The following AIF1L variants were observed in gnomAD, a reference collection of about 807,000 sequenced individuals.
The protein encoded by AIF1L is allograft inflammatory factor 1 like, also known as allograft inflammatory factor 1-like.
AIF1L carries 12 observed loss-of-function variants against 20.7 expected under a neutral mutation model. The observed-to-expected ratio is 0.58, with a 90% CI of 0.37 to 0.94. The LOEUF (loss-of-function observed/expected upper bound fraction) is 0.94, where lower values mean the gene tolerates loss of function less well. Among genes scored for constraint, AIF1L ranks in the 40% least tolerant of loss-of-function variants. The pLI is 0.01. For missense variants in AIF1L, 173 were observed against 185.3 expected (o/e 0.93, Z 0.39); for synonymous variants, 76 against 65.1 (o/e 1.17, Z -0.81).
At chr9:131,118,751 T>G (rs1831069641) in intron 5 of AIF1L, among the ~76,000 whole-genome samples, 1 of 152,034 alleles carries the variant, frequency 6.6e-6, no homozygotes, top group Non-Finnish European at 1.5e-5. Flanking sequence ...TTCGCCATGT[T>G]GGCCAGGTTG....
intron 2 of AIF1L, among the ~76,000 whole-genome samples, chr9:131,102,601 G>A (rs546682466): frequency 2.5e-4 from 38 of 152,234 alleles, no homozygotes; most frequent in Non-Finnish European, 4.1e-4. Flanking sequence ...TGCAGGGTGT[G>A]CTTTATTGCA....
intron 2 of AIF1L, among the ~76,000 whole-genome samples, chr9:131,100,650 C>T (rs1327158244): frequency 1.3e-5 from 2 of 152,248 alleles, no homozygotes; most frequent in Non-Finnish European, 2.9e-5. Flanking sequence ...TGGCCAGCAC[C>T]TCCTACTCCC....
intron 2 of AIF1L, among the ~76,000 whole-genome samples, chr9:131,103,812 T>G (rs1830686920): frequency 6.6e-6 from 1 of 152,200 alleles, no homozygotes; most frequent in Admixed American, 6.5e-5. Flanking sequence ...AGAGCTAGTA[T>G]GTGCTAAAGC....
Position 131,096,636 on chromosome 9 carries a change from G to A in AIF1L, c.7G>A (p.Gly3Ser). The change falls in exon 1 of 6, where the codon GGC (glycine) becomes AGC (serine). Residue 3 changes from glycine to serine, a missense_variant. By Grantham distance (56) the Gly-to-Ser change is moderately conservative (BLOSUM62 0). Transcript: ENST00000247291. Reference protein sequence around the residue: MSGELSNRFQGGK... With the variant: MSSELSNRFQGGK... ...CGGGAGCCCCGCGCTCGCCATGTCG[G>A]GCGAGCTCAGCAACAGGTTCCAAGG... 2.0e-6 allele frequency: 3 copies of A among 1,484,798 alleles called. No homozygotes were observed. Among genetic ancestry groups the A allele is most frequent in the Non-Finnish European group, 2.7e-6 (3 of 1,125,718 alleles). The allele number at this position is 1,484,798 out of a possible 1,614,324, so 92.0% of individuals were successfully genotyped here.
chr9:131,110,103 T>C (rs779277363), intron 2 of AIF1L, among the ~76,000 whole-genome samples: 3 of 152,128 alleles, frequency 2.0e-5, no homozygotes, highest in Non-Finnish European at 2.9e-5. Context: ...TCCCAGCTAC[T>C]CAGGAGGCTG....
At chr9:131,102,768 GCCTGGC>G in intron 2 of AIF1L, 1 of 384,718 alleles carries the variant, frequency 2.6e-6, no homozygotes, top group Non-Finnish European at 5.2e-6. Flanking sequence ...ACCACTTGTG[GCCTGGC>G]CCTGGCCCTT....
chr9:131,106,310 CAT>C (rs753832822), intron 2 of AIF1L: 21 of 1,332,334 alleles, frequency 1.6e-5, no homozygotes, highest in East Asian at 2.5e-5. Context: ...TCATCCTGCA[CAT>C]GTTTATTGAG....
At chr9:131,106,075 T>C in intron 2 of AIF1L, 1 of 1,204,592 alleles carries the variant, frequency 8.3e-7, no homozygotes. Flanking sequence ...CTCCTCGGGC[T>C]CCTCAACAGA....
In AIF1L at chr9:131,121,837, G is replaced by A. The variant is rs1831144748; in HGVS notation, c.*1515G>A. ...AAGCTGCCTCTTGTAATTCATGCAGGAAGATGTCAAAGTCAGCCCCATCTT... is the reference window on the plus strand; with the variant it reads ...AAGCTGCCTCTTGTAATTCATGCAGAAAGATGTCAAAGTCAGCCCCATCTT... On this transcript the variant is annotated 3_prime_UTR_variant, in exon 6 of 6. Coordinates refer to ENST00000247291, the MANE Select transcript of AIF1L (RefSeq NM_031426.4). 1 of 152,336 alleles carries A rather than the reference G, an allele frequency of 6.6e-6. No homozygotes were observed. Among genetic ancestry groups the A allele is most frequent in the Admixed American group, 6.5e-5 (1 of 15,292 alleles). The allele number at this position is 152,336 out of a possible 1,614,324, so 9.4% of individuals were successfully genotyped here.
chr9:131,106,293 C>A, intron 2 of AIF1L: 1 of 1,400,792 alleles, frequency 7.1e-7, no homozygotes, highest in Non-Finnish European at 9.8e-7. Flanking sequence ...AGTCTCAACT[C>A]CTCCACTCAT....
chr9:131,111,528 C>A, intron 2 of AIF1L, 69 bp from the exon 3 acceptor site: 1 of 1,436,838 alleles, frequency 7.0e-7, no homozygotes, highest in Non-Finnish European at 9.7e-7. Flanking sequence ...GGCCCCCGGA[C>A]AGTGGGCCCA....
intron 4 of AIF1L, among the ~76,000 whole-genome samples, chr9:131,115,663 AT>A (rs141954335): frequency 0.053 from 7,454 of 141,052 alleles, 248 homozygotes; most frequent in African/African-American, 0.1. Context: ...TATTTTGATC[AT>A]TTTTTTTTTT....
rs972204682 is a variant in AIF1L at position 131,096,810 on chromosome 9, G to C, written c.40G>C (p.Ala14Pro). The change falls in exon 2 of 6, where the codon GCG (alanine) becomes CCG (proline). Residue 14 changes from alanine (A) to proline (P), a missense_variant. By Grantham distance (27) the Ala-to-Pro change is conservative. Coordinates refer to ENST00000247291, the MANE Select transcript of AIF1L (RefSeq NM_031426.4). ...CTCTTTGTCTCCTCCAGGAGGGAAG[G>C]CGTTCGGCTTGCTCAAAGCCCGGCA... Reference protein sequence around the residue: ...ELSNRFQGGKAFGLLKARQER... With the variant: ...ELSNRFQGGKPFGLLKARQER... The C allele has an allele frequency of 3.9e-6, 6 of 1,535,930 alleles. No homozygotes were observed. In the African/African-American group the frequency reaches 8.4e-5, roughly 22 times the overall value.
chr9:131,117,761 A>C lies in AIF1L; in HGVS notation c.208A>C (p.Met70Leu), dbSNP rs1218112851. 1.9e-6 allele frequency: 3 copies of C among 1,609,834 alleles called. No individual in the cohort carries two copies. Among genetic ancestry groups the C allele is most frequent in the Non-Finnish European group, 2.5e-6 (3 of 1,178,348 alleles). ...ATCTGCTTTTCCCCCGGCAGACCTG[A>C]TGTCTTTAAAGAGGATGATGGAGAA... ...DLNNEGEIDL[M>L]SLKRMMEKLG... is the part of the protein sequence containing the mutation. Residue 70 changes from methionine to leucine, a missense_variant, in exon 5 of 6, where the codon ATG becomes CTG. Coordinates refer to ENST00000247291, the MANE Select transcript of AIF1L (RefSeq NM_031426.4).
chr9:131,117,673 G>C, intron 4 of AIF1L, 83 bp from the exon 5 acceptor site: 1 of 1,444,204 alleles, frequency 6.9e-7, no homozygotes, highest in Admixed American at 2.3e-5. Flanking sequence ...TAGGCGTGGG[G>C]TGCCTGAGTG....
intron 2 of AIF1L, among the ~76,000 whole-genome samples, chr9:131,104,672 A>G (rs1471928251): frequency 3.3e-5 from 5 of 152,200 alleles, no homozygotes; most frequent in Non-Finnish European, 7.3e-5. Context: ...GTGAGGGTCT[A>G]TGGAGGTTAT....
At chr9:131,111,962 GCCCAGGCCCCGTCACT>G (rs1258302891) in intron 3 of AIF1L, 2 of 433,314 alleles carry the variant, frequency 4.6e-6, no homozygotes, top group Non-Finnish European at 8.5e-6. Context: ...GTCCGCCGCT[GCCCAGGCCCCGTCACT>G]CCCGGGCCCC....
At chr9:131,114,362 G>A (rs778876360) in intron 3 of AIF1L, 50 of 539,572 alleles carry the variant, frequency 9.3e-5, no homozygotes, top group Non-Finnish European at 1.4e-4. Context: ...TCTTTCCCTC[G>A]TGGCACCTCT....
chr9:131,111,517 A>C, intron 2 of AIF1L, 80 bp from the exon 3 acceptor site: 1 of 1,296,882 alleles, frequency 7.7e-7, no homozygotes, highest in Non-Finnish European at 1.1e-6. Flanking sequence ...ATAGGAGGGA[A>C]GGCCCCCGGA....
Sources: gnomAD v4.1 joint callset for allele counts (sites outside exome capture counted in the v4.1 genomes callset) on GRCh38, gnomAD v4.1.1 for gene constraint, MANE v1.5 for transcripts, NCBI Gene and HGNC (gene_info 2026-07-23, HGNC 2026-07-21) for gene names.